Variants in RFX4 observed in about 807,000 individuals in gnomAD.
RFX4 encodes the protein regulatory factor X4.
In RFX4, 10 loss-of-function variants were observed where a neutral mutation model predicts 95.0. The observed-to-expected ratio is 0.11, with a 90% CI of 0.06 to 0.18. The LOEUF is 0.18. Ranked by LOEUF, RFX4 falls within the 10% of genes least tolerant of loss-of-function variation. The pLI is 1.00. For synonymous variants in RFX4, 321 were observed against 340.7 expected, an observed-to-expected ratio of 0.94 and a Z score of 0.64; for missense variants, 640 against 922.0, an observed-to-expected ratio of 0.69 and a Z score of 3.96.
chr12:106,592,203 A>G (rs2039557819), intron 1 of RFX4, among the ~76,000 whole-genome samples: 1 of 90,966 alleles, frequency 1.1e-5, no homozygotes, highest in Non-Finnish European at 2.4e-5. Flanking sequence ...GGATAAGAAT[A>G]CTGAAAAAAA....
In RFX4 at chr12:106,732,239, A is replaced by G. The variant is rs972654699; in HGVS notation, c.1461A>G (p.Glu487=). The G allele has an allele frequency of 6.2e-7, 1 of 1,613,972 alleles. No individual in the cohort carries two copies. Among genetic ancestry groups the G allele is most frequent in the Non-Finnish European group, 8.5e-7 (1 of 1,179,864 alleles). ...ANELMRAMKG[E]GSTAEVREEI... ...AGCTCATGCGAGCCATGAAGGGAGA[A>G]GGAAGCACTGGTAAGCCAGCATTTT... The change falls in exon 14 of 18, where the codon GAA becomes GAG. Residue 487 remains glutamate (E), a synonymous_variant. Transcript: ENST00000392842.
In RFX4 at chr12:106,610,549, G is replaced by A. The variant is rs371389786; in HGVS notation, c.130+1666G>A. The stretch of plus-strand genomic sequence containing the variant: ...TGACTGCTCTAAGTATCTTATATAA[G>A]TGAAGTCATATGGTGTTTGTCTTTT... On this transcript the variant is annotated intron_variant, in intron 2 of 17. Transcript: ENST00000392842. Among the ~76,000 whole-genome samples, 3 of 152,294 alleles carry A rather than the reference G, an allele frequency of 2.0e-5. No homozygotes were observed. In the South Asian group the frequency reaches 6.2e-4, roughly 32 times the overall value.
chr12:106,748,294 A>G (rs2042932873), intron 16 of RFX4, among the ~76,000 whole-genome samples: 1 of 152,074 alleles, frequency 6.6e-6, no homozygotes, highest in African/African-American at 2.4e-5. Context: ...CTCTTTGTAC[A>G]CTTCGCAGAA....
At chr12:106,712,265 GA>G (rs1053513066) in intron 10 of RFX4, among the ~76,000 whole-genome samples, 2 of 152,254 alleles carry the variant, frequency 1.3e-5, no homozygotes, top group Admixed American at 6.5e-5. Flanking sequence ...ACTGGGAGAT[GA>G]CAGCTAAACA....
intron 16 of RFX4, among the ~76,000 whole-genome samples, chr12:106,750,229 C>T (rs1222497641): frequency 2.0e-5 from 3 of 152,102 alleles, no homozygotes; most frequent in Admixed American, 2.0e-4. Context: ...GTAATCCCAG[C>T]ATTTGGGGAG....
In RFX4 at chr12:106,642,714, T is replaced by C. The variant is rs1337716477; in HGVS notation, c.191+3322T>C. Among the ~76,000 whole-genome samples, 4 of 152,218 alleles carry C rather than the reference T, an allele frequency of 2.6e-5. No homozygotes were observed. In the East Asian group the frequency reaches 7.7e-4, roughly 29 times the overall value. ...TTAGCTTGGCTAATACGATAGTGTC[T>C]GAGAGGCTATTTCAGGTTGAGCAGT... On this transcript the variant is annotated intron_variant, in intron 3 of 17. Coordinates refer to ENST00000392842, the MANE Select transcript of RFX4 (RefSeq NM_213594.3).
chr12:106,593,631 G>C (rs538902030), intron 1 of RFX4, among the ~76,000 whole-genome samples: 15 of 152,106 alleles, frequency 9.9e-5, no homozygotes, highest in Non-Finnish European at 1.8e-4. Context: ...TCAAATCATC[G>C]CAAGTTACAT....
At chr12:106,710,624 G>C (rs946442927) in intron 9 of RFX4, among the ~76,000 whole-genome samples, 2 of 152,114 alleles carry the variant, frequency 1.3e-5, no homozygotes, top group East Asian at 1.9e-4. Context: ...TAATTATGCC[G>C]ACAAAACAAA....
At chr12:106,658,665 TG>T (rs1325492889) in intron 4 of RFX4, among the ~76,000 whole-genome samples, 2 of 152,174 alleles carry the variant, frequency 1.3e-5, no homozygotes, top group East Asian at 3.9e-4. Context: ...TGGTGCTCAC[TG>T]GGGGCTTCTC....
At chr12:106,697,247 A>G (rs1306424601) in intron 8 of RFX4, among the ~76,000 whole-genome samples, 2 of 151,962 alleles carry the variant, frequency 1.3e-5, no homozygotes, top group African/African-American at 4.8e-5. Context: ...TTGTAAATAA[A>G]CCCACCCATT....
chr12:106,667,023 T>C (rs764024266), intron 4 of RFX4, among the ~76,000 whole-genome samples: 6 of 152,140 alleles, frequency 3.9e-5, no homozygotes, highest in Non-Finnish European at 8.8e-5. Context: ...AGTCATATGG[T>C]GGTAAGGCGT....
At chr12:106,709,224 T>C in intron 8 of RFX4, 106 bp from the exon 9 acceptor site, 1 of 838,350 alleles carries the variant, frequency 1.2e-6, no homozygotes, top group Admixed American at 2.6e-5. Context: ...ATGGCACCTA[T>C]TGGTAGCAGC....
intron 16 of RFX4, among the ~76,000 whole-genome samples, chr12:106,748,331 T>C (rs1475400396): frequency 6.6e-6 from 1 of 152,148 alleles, no homozygotes; most frequent in Admixed American, 6.5e-5. Context: ...TAGGTTCAAG[T>C]CTTTTATGAT....
chr12:106,620,330 G>C (rs998362719), intron 2 of RFX4, among the ~76,000 whole-genome samples: 2 of 152,170 alleles, frequency 1.3e-5, no homozygotes, highest in Admixed American at 6.5e-5. Context: ...AAGAGAGACA[G>C]TACAAAGAAA....
At chr12:106,678,025 A>G (rs1258019674) in intron 4 of RFX4, among the ~76,000 whole-genome samples, 1 of 152,196 alleles carries the variant, frequency 6.6e-6, no homozygotes, top group Non-Finnish European at 1.5e-5. Context: ...ACATTATTCA[A>G]AAAGAATAAG....
intron 4 of RFX4, among the ~76,000 whole-genome samples, chr12:106,678,292 G>C (rs1417292238): frequency 6.6e-6 from 1 of 152,126 alleles, no homozygotes; most frequent in Admixed American, 6.6e-5. Flanking sequence ...TCAAGGGCTT[G>C]GCCTGTGTTG....
chr12:106,608,489 A>C (rs1416481173), intron 1 of RFX4, among the ~76,000 whole-genome samples: 1 of 152,220 alleles, frequency 6.6e-6, no homozygotes, highest in Non-Finnish European at 1.5e-5. Context: ...TTGCTCAGAA[A>C]GATAATCCTC....
rs1314537292 is a variant in RFX4 at position 106,586,600 on chromosome 12, C to T, written c.43+3237C>T. On this transcript the variant is annotated intron_variant, in intron 1 of 17. Coordinates refer to ENST00000392842, the MANE Select transcript of RFX4 (RefSeq NM_213594.3). The surrounding 1 kb of genome is among the most constrained non-coding windows in gnomAD (Gnocchi z 5.6). ...AACTTCTGCCTCCATCCACTTTCCG[C>T]TCCCATCTCCAGAACCCAGAGCTGA... Among the ~76,000 whole-genome samples, 2 of 152,188 alleles carry T rather than the reference C, an allele frequency of 1.3e-5. No homozygotes were observed. Among genetic ancestry groups the T allele is most frequent in the African/African-American group, 4.8e-5 (2 of 41,446 alleles).
intron 2 of RFX4, among the ~76,000 whole-genome samples, chr12:106,628,903 G>T (rs567739918): frequency 6.6e-6 from 1 of 152,046 alleles, no homozygotes; most frequent in African/African-American, 2.4e-5. Flanking sequence ...AGGATTACAG[G>T]CATGCACCAC....
Sources: allele counts gnomAD v4.1 joint callset (sites outside exome capture counted in the v4.1 genomes callset), GRCh38; gene constraint gnomAD v4.1.1; non-coding constraint Gnocchi (gnomAD v3.1); transcripts MANE v1.5; gene names NCBI Gene and HGNC (gene_info 2026-07-23, HGNC 2026-07-21).